Variants in PPP4R2 observed in about 807,000 individuals in gnomAD.
PPP4R2 encodes protein phosphatase 4 regulatory subunit 2, also known as serine/threonine-protein phosphatase 4 regulatory subunit 2.
Under a neutral mutation model 47.2 loss-of-function variants are expected in PPP4R2, and 13 were observed. The observed-to-expected ratio is 0.28, with a 90% CI of 0.18 to 0.44. PPP4R2 has a LOEUF of 0.44. Among genes scored for constraint, PPP4R2 ranks in the 20% least tolerant of loss-of-function variants. The probability of loss-of-function intolerance (pLI) is 1.00; values close to 1 mark genes in which losing one functional copy is unlikely to be tolerated. For missense variants in PPP4R2, 421 were observed against 491.2 expected, an observed-to-expected ratio of 0.86 and a Z score of 1.35; for synonymous variants, 151 against 163.3, an observed-to-expected ratio of 0.92 and a Z score of 0.57.
intron 2 of PPP4R2, among the ~76,000 whole-genome samples, chr3:73,003,386 T>G (rs567513271): frequency 6.6e-6 from 1 of 152,182 alleles, no homozygotes; most frequent in East Asian, 1.9e-4. Context: ...CTAATTTTTG[T>G]GTTTTTAGTA....
At chr3:73,003,505 G>A (rs1423009661) in intron 2 of PPP4R2, among the ~76,000 whole-genome samples, 1 of 151,914 alleles carries the variant, frequency 6.6e-6, no homozygotes, top group Admixed American at 6.6e-5. Context: ...CATAGTCACT[G>A]CCCCGGCTGA....
intron 2 of PPP4R2, among the ~76,000 whole-genome samples, chr3:73,031,183 A>G (rs966555794): frequency 4.6e-5 from 7 of 152,214 alleles, no homozygotes; most frequent in Non-Finnish European, 1.0e-4. Context: ...AAATGTAGCT[A>G]AGGTTTGACA....
chr3:73,010,909 A>G (rs1236147779), intron 2 of PPP4R2, among the ~76,000 whole-genome samples: 1 of 152,212 alleles, frequency 6.6e-6, no homozygotes, highest in Middle Eastern at 3.2e-3. Context: ...CAAATATTTC[A>G]TATGCATAAC....
chr3:73,054,819 T>G (rs1702695288), intron 3 of PPP4R2, among the ~76,000 whole-genome samples: 1 of 152,200 alleles, frequency 6.6e-6, no homozygotes, highest in Admixed American at 6.5e-5. Flanking sequence ...AACTTAGTAC[T>G]TTTATAGAAA....
At chr3:73,060,570 A>C (rs940705202) in intron 4 of PPP4R2, among the ~76,000 whole-genome samples, 1 of 145,222 alleles carries the variant, frequency 6.9e-6, no homozygotes, top group African/African-American at 2.6e-5. Context: ...TGGGAAGATC[A>C]TAAATATATT....
In PPP4R2 at chr3:73,066,867, T is replaced by G. The variant is rs1381235405; in HGVS notation, c.*1145T>G. On this transcript the variant is annotated 3_prime_UTR_variant, in exon 9 of 9. Transcript: ENST00000356692. Reference sequence around the variant, plus strand: ...TGAATTAAATATTTTTGAACATGCTTCTTCGACAGCCAGTGTTATATTTTT... The same window carrying G: ...TGAATTAAATATTTTTGAACATGCTGCTTCGACAGCCAGTGTTATATTTTT... 6.6e-6 allele frequency: 1 copy of G among 152,100 alleles called. No individual in the cohort carries two copies. The highest frequency in any genetic ancestry group is 1.5e-5 in the Non-Finnish European group (1 of 67,942). The allele number at this position is 152,100 out of a possible 1,614,324, so 9.4% of individuals were successfully genotyped here. A position where few individuals can be genotyped will look rare whatever the true frequency, so the allele number is the denominator to read the frequency against.
chr3:73,060,275 C>T, intron 4 of PPP4R2, among the ~76,000 whole-genome samples: 1 of 152,192 alleles, frequency 6.6e-6, no homozygotes. Context: ...GGCCAGGAAA[C>T]TGAGATGGCT....
intron 3 of PPP4R2, among the ~76,000 whole-genome samples, chr3:73,050,861 G>A (rs940127754): frequency 2.0e-5 from 3 of 152,070 alleles, no homozygotes; most frequent in Admixed American, 6.5e-5. Flanking sequence ...ATCCTTCCAC[G>A]TATCTTTTGT....
chr3:73,049,514 A>G (rs780115041), intron 3 of PPP4R2, among the ~76,000 whole-genome samples: 3 of 152,038 alleles, frequency 2.0e-5, no homozygotes, highest in Non-Finnish European at 4.4e-5. Context: ...AAAAGAGAAT[A>G]CTTCTCGGGG....
intron 2 of PPP4R2, among the ~76,000 whole-genome samples, chr3:73,003,315 G>A (rs1240607471): frequency 6.6e-6 from 1 of 151,614 alleles, no homozygotes; most frequent in Non-Finnish European, 1.5e-5. Flanking sequence ...GGGTTCAAGT[G>A]ATTCTTGTGC....
Position 73,066,213 on chromosome 3 carries a change from A to G in PPP4R2, c.*491A>G, listed in dbSNP as rs1169491447. 2.1e-5 allele frequency: 3 copies of G among 140,464 alleles called. No individual in the cohort carries two copies. The highest frequency in any genetic ancestry group is 8.0e-5 in the African/African-American group (3 of 37,550). 8.7% of individuals were successfully genotyped at this position (140,464 alleles called of 1,614,324 possible). ...AGATTTTATTGTTTGGCTACGTACA[A>G]TGGAACTTTAAGTCATATATACATA... On this transcript the variant is annotated 3_prime_UTR_variant, in exon 9 of 9. Coordinates refer to ENST00000356692, the MANE Select transcript of PPP4R2 (RefSeq NM_174907.4).
At chr3:73,059,266 T>A in intron 4 of PPP4R2, 136 bp downstream of exon 4, 1 of 547,744 alleles carries the variant, frequency 1.8e-6, no homozygotes, top group South Asian at 2.7e-5. Context: ...TTTCCCAAAT[T>A]GTTTTCCAAA....
chr3:73,032,612 C>CT (rs1702187666), intron 2 of PPP4R2, among the ~76,000 whole-genome samples: 1 of 152,102 alleles, frequency 6.6e-6, no homozygotes, highest in Non-Finnish European at 1.5e-5. Context: ...AAGGTACAGT[C>CT]TTTTTACTAG....
chr3:73,062,640 TG>T, intron 5 of PPP4R2: 1 of 1,614,038 alleles, frequency 6.2e-7, no homozygotes, highest in African/African-American at 1.3e-5. Context: ...CCGCCACTGC[TG>T]TGACCTTTTG....
chr3:73,022,097 A>T (rs956564398), intron 2 of PPP4R2, among the ~76,000 whole-genome samples: 1 of 151,610 alleles, frequency 6.6e-6, no homozygotes, highest in East Asian at 1.9e-4. Context: ...GAGTTTCACC[A>T]TGTTGGCCAG....
At chr3:73,054,388 A>G (rs1481773833) in intron 3 of PPP4R2, among the ~76,000 whole-genome samples, 2 of 152,248 alleles carry the variant, frequency 1.3e-5, no homozygotes, top group Admixed American at 1.3e-4. Flanking sequence ...TAAAGCTAGT[A>G]TCACAGGATT....
chr3:73,044,214 A>T (rs1489098771), intron 2 of PPP4R2, among the ~76,000 whole-genome samples: 2 of 127,062 alleles, frequency 1.6e-5, no homozygotes, highest in Admixed American at 7.6e-5. Flanking sequence ...GGGTGGTTTC[A>T]TAATTTTTGT....
chr3:73,016,685 T>A (rs1193854923), intron 2 of PPP4R2, among the ~76,000 whole-genome samples: 1 of 151,878 alleles, frequency 6.6e-6, no homozygotes, highest in Non-Finnish European at 1.5e-5. Flanking sequence ...TGTTTTTGTG[T>A]TTATTTAAAT....
chr3:73,006,274 A>G (rs950401087), intron 2 of PPP4R2, among the ~76,000 whole-genome samples: 11 of 138,056 alleles, frequency 8.0e-5, no homozygotes, highest in Non-Finnish European at 1.2e-4. Flanking sequence ...ATCTCGGCTC[A>G]CTGCAACCTC....
Sources: gnomAD v4.1 joint callset for allele counts (sites outside exome capture counted in the v4.1 genomes callset) on GRCh38, gnomAD v4.1.1 for gene constraint, MANE v1.5 for transcripts, NCBI Gene and HGNC (gene_info 2026-07-23, HGNC 2026-07-21) for gene names.